Variants in FAM219A observed in about 807,000 individuals in gnomAD.
FAM219A encodes protein FAM219A.
Under a neutral mutation model 23.4 loss-of-function variants are expected in FAM219A, and 7 were observed. That is an observed-to-expected ratio of 0.30 (90% confidence interval 0.17 to 0.56). FAM219A has a LOEUF of 0.56. Ranked by LOEUF, FAM219A falls within the 20% of genes least tolerant of loss-of-function variation. The probability of loss-of-function intolerance (pLI) is 0.92; values close to 1 mark genes in which losing one functional copy is unlikely to be tolerated. For missense variants in FAM219A, 166 were observed against 246.9 expected (o/e 0.67, Z 2.20); for synonymous variants, 93 against 99.0 (o/e 0.94, Z 0.36).
At chr9:34,431,492 G>T (rs1252088558) in intron 1 of FAM219A, among the ~76,000 whole-genome samples, 1 of 152,194 alleles carries the variant, frequency 6.6e-6, no homozygotes, top group African/African-American at 2.4e-5. Context: ...GAATGCACCT[G>T]CTTTGTTTCC....
chr9:34,452,977 A>C (rs56058555), intron 1 of FAM219A, among the ~76,000 whole-genome samples: 18,393 of 152,162 alleles, frequency 0.12, 1,427 homozygotes, highest in Non-Finnish European at 0.18. Flanking sequence ...CCAGAACAAC[A>C]TCTAGCAGAG....
chr9:34,412,929 G>C (rs1821875651), intron 1 of FAM219A, among the ~76,000 whole-genome samples: 1 of 152,204 alleles, frequency 6.6e-6, no homozygotes, highest in African/African-American at 2.4e-5. Flanking sequence ...TTCTTTAAAA[G>C]AGCAAGACTG....
At chr9:34,402,267 A>C (rs774910321) in intron 4 of FAM219A, 120 bp downstream of exon 4, 22 of 1,613,608 alleles carry the variant, frequency 1.4e-5, no homozygotes, top group Non-Finnish European at 1.7e-5. Flanking sequence ...TCACCCTTGG[A>C]GAGATTCTGG....
At chr9:34,412,270 G>C (rs1821850052) in intron 1 of FAM219A, among the ~76,000 whole-genome samples, 1 of 152,098 alleles carries the variant, frequency 6.6e-6, no homozygotes, top group Admixed American at 6.6e-5. Context: ...AGAACAGAAA[G>C]GAAGATGTCA....
At chr9:34,405,607 C>A (rs1012381510) in intron 2 of FAM219A, among the ~76,000 whole-genome samples, 2 of 152,270 alleles carry the variant, frequency 1.3e-5, no homozygotes, top group East Asian at 3.9e-4. Flanking sequence ...CATGCTTTTC[C>A]CCCTGCAGCT....
intron 1 of FAM219A, among the ~76,000 whole-genome samples, chr9:34,407,570 T>C (rs1415179158): frequency 6.6e-6 from 1 of 152,170 alleles, no homozygotes; most frequent in Non-Finnish European, 1.5e-5. Context: ...TTTCAAAGCA[T>C]GCAGGGAGGG....
At chr9:34,431,125 T>C (rs1822682650) in intron 1 of FAM219A, among the ~76,000 whole-genome samples, 1 of 152,224 alleles carries the variant, frequency 6.6e-6, no homozygotes, top group South Asian at 2.1e-4. Flanking sequence ...TCTCTCTCTA[T>C]GGCTGCAGCC....
At chr9:34,407,327 GT>G (rs1317955288) in intron 1 of FAM219A, among the ~76,000 whole-genome samples, 1 of 151,954 alleles carries the variant, frequency 6.6e-6, no homozygotes, top group Non-Finnish European at 1.5e-5. Context: ...CAACATTTTG[GT>G]TGGAGAAAAG....
chr9:34,419,180 A>G (rs182603123), intron 1 of FAM219A, among the ~76,000 whole-genome samples: 16 of 152,264 alleles, frequency 1.1e-4, no homozygotes, highest in Admixed American at 8.5e-4. Context: ...AAAATTGAGA[A>G]GCAGGACCTA....
At chr9:34,443,542 C>G (rs1175699719) in intron 1 of FAM219A, among the ~76,000 whole-genome samples, 1 of 152,150 alleles carries the variant, frequency 6.6e-6, no homozygotes, top group Non-Finnish European at 1.5e-5. Flanking sequence ...AATCAGCAAC[C>G]CTTTCATTAT....
At chr9:34,440,551 TA>T (rs879902734) in intron 1 of FAM219A, among the ~76,000 whole-genome samples, 3 of 148,650 alleles carry the variant, frequency 2.0e-5, no homozygotes, top group Admixed American at 2.0e-4. Flanking sequence ...TTTTTCTTAA[TA>T]AAAAAAAACA....
chr9:34,402,326 C>T, intron 4 of FAM219A, 61 bp downstream of exon 4: 1 of 1,614,152 alleles, frequency 6.2e-7, no homozygotes, highest in Non-Finnish European at 8.5e-7. Flanking sequence ...GCCTGTACAG[C>T]CCACTTGTGC....
intron 1 of FAM219A, among the ~76,000 whole-genome samples, chr9:34,410,487 C>T (rs952020251): frequency 6.6e-6 from 1 of 152,160 alleles, no homozygotes; most frequent in Non-Finnish European, 1.5e-5. Flanking sequence ...TTATGGGCTA[C>T]TCTGGTAGGA....
chr9:34,398,368 G>C lies in FAM219A; in HGVS notation c.*2596C>G. 1 of 1,550,662 alleles carries C rather than the reference G, an allele frequency of 6.4e-7. No individual in the cohort carries two copies. Among genetic ancestry groups the C allele is most frequent in the Non-Finnish European group, 8.7e-7 (1 of 1,146,960 alleles). ...GGCTGGGTGGCAGCCACAGCTGAGAGAGGAGGGAGTGTTAAGGCAGTATCT... is the reference window on the plus strand; with the variant it reads ...GGCTGGGTGGCAGCCACAGCTGAGACAGGAGGGAGTGTTAAGGCAGTATCT... On this transcript the variant is annotated 3_prime_UTR_variant, in exon 6 of 6. Coordinates refer to ENST00000651358, the MANE Select transcript of FAM219A (RefSeq NM_001184940.2).
At chr9:34,439,654 G>T (rs370723086) in intron 1 of FAM219A, among the ~76,000 whole-genome samples, 2 of 152,060 alleles carry the variant, frequency 1.3e-5, no homozygotes, top group East Asian at 1.9e-4. Context: ...TGCAGCAAAA[G>T]CATTCCAGGC....
intron 1 of FAM219A, among the ~76,000 whole-genome samples, chr9:34,453,451 T>A (rs1244084835): frequency 6.6e-6 from 1 of 152,140 alleles, no homozygotes; most frequent in Non-Finnish European, 1.5e-5. Flanking sequence ...AGGGTGTCAC[T>A]CTTTCTCATG....
At position 34,458,377 on chromosome 9, in the gene FAM219A, C is replaced by G; in HGVS notation, c.-114G>C. The G allele has an allele frequency of 1.4e-6, 1 of 711,872 alleles. No individual in the cohort carries two copies. The allele number at this position is 711,872 out of a possible 1,614,324, so 44.1% of individuals were successfully genotyped here. A position where few individuals can be genotyped will look rare whatever the true frequency, so the allele number is the denominator to read the frequency against. ...GTGGTGCAGACTAGGCCTCCCCGGA[C>G]CACTCGGGCGGGCAGGGGCCGGGCG... On this transcript the variant is annotated 5_prime_UTR_variant, in exon 1 of 6. Transcript: ENST00000651358. The surrounding 1 kb of genome is among the most constrained non-coding windows in gnomAD (Gnocchi z 6.6).
intron 1 of FAM219A, among the ~76,000 whole-genome samples, chr9:34,434,129 G>T (rs1258825523): frequency 1.3e-5 from 2 of 150,736 alleles, no homozygotes; most frequent in African/African-American, 4.9e-5. Context: ...GTGAACCCGG[G>T]AGGCGGAGCT....
Position 34,458,158 on chromosome 9 carries a change from G to A in FAM219A, c.60+46C>T. ...GCCTGATTCCCTCCCTCCCCCTCAA[G>A]CGACGCCCCCTCCGGCCTTGGCCTG... is the stretch of plus-strand genomic sequence containing the variant. On this transcript the variant is annotated intron_variant, in intron 1 of 5. Transcript: ENST00000651358. This position sits in a 1 kb window ranked among gnomAD's most constrained non-coding sequence, Gnocchi z 6.6. 6.6e-7 allele frequency: 1 copy of A among 1,517,188 alleles called. No individual in the cohort carries two copies. The highest frequency in any genetic ancestry group is 8.8e-7 in the Non-Finnish European group (1 of 1,133,670). 94.0% of individuals were successfully genotyped at this position (1,517,188 alleles called of 1,614,324 possible).
Sources: gnomAD v4.1 joint callset for allele counts (sites outside exome capture counted in the v4.1 genomes callset) on GRCh38, gnomAD v4.1.1 for gene constraint, Gnocchi (gnomAD v3.1) non-coding constraint, MANE v1.5 for transcripts, NCBI Gene and HGNC (gene_info 2026-07-23, HGNC 2026-07-21) for gene names.